Variants in PRMT2 observed in about 807,000 individuals in gnomAD.
The protein encoded by PRMT2 is protein arginine N-methyltransferase 2.
Under a neutral mutation model 57.6 loss-of-function variants are expected in PRMT2, and 26 were observed. The observed-to-expected ratio is 0.45, with a 90% CI of 0.33 to 0.63. The LOEUF is 0.63. Ranked by LOEUF, PRMT2 falls within the 20% of genes least tolerant of loss-of-function variation. The pLI, the probability that PRMT2 is intolerant of heterozygous loss-of-function variation, is 0.02. For synonymous variants in PRMT2, 219 were observed against 220.0 expected (o/e 1.00, Z 0.04); for missense variants, 472 against 564.4 (o/e 0.84, Z 1.66).
chr21:46,655,780 G>C (rs2061533314), intron 7 of PRMT2, among the ~76,000 whole-genome samples: 1 of 152,176 alleles, frequency 6.6e-6, no homozygotes, highest in Admixed American at 6.5e-5. Flanking sequence ...TGCTGAAAAT[G>C]ATGAGATGAT....
At chr21:46,652,527 A>G (rs986475483) in intron 7 of PRMT2, 2 of 985,300 alleles carry the variant, frequency 2.0e-6, no homozygotes, top group African/African-American at 3.5e-5. Flanking sequence ...AACAATTTGA[A>G]AGTAACTGTA....
chr21:46,636,680 G>C (rs965956400), intron 2 of PRMT2, 133 bp downstream of exon 2: 39 of 462,962 alleles, frequency 8.4e-5, no homozygotes, highest in African/African-American at 3.3e-4. Flanking sequence ...TTAACACCTT[G>C]CAGACTAGTG....
chr21:46,653,578 G>C (rs2061494590), intron 7 of PRMT2: 1 of 1,063,398 alleles, frequency 9.4e-7, no homozygotes, highest in Non-Finnish European at 1.1e-6. Flanking sequence ...TTCCCAGTGG[G>C]ACAGGCCTAA....
chr21:46,638,739 C>T (rs1022201215), intron 3 of PRMT2, among the ~76,000 whole-genome samples: 2 of 152,128 alleles, frequency 1.3e-5, no homozygotes, highest in Non-Finnish European at 2.9e-5. Flanking sequence ...GTTAATACCA[C>T]CCTCCATTAT....
intron 7 of PRMT2, chr21:46,652,904 G>T (rs992745894): frequency 7.7e-7 from 1 of 1,302,886 alleles, no homozygotes; most frequent in Non-Finnish European, 1.0e-6. Flanking sequence ...GAAGCAGGTT[G>T]CACACTCAGC....
At position 46,649,357 on chromosome 21, in the gene PRMT2, TC is replaced by T. The variant is rs2061414576; in HGVS notation, c.490-216del. On this transcript the variant is annotated intron_variant, in intron 6 of 11. Coordinates refer to ENST00000355680, the MANE Select transcript of PRMT2 (RefSeq NM_206962.4). The surrounding 1 kb of genome is among the most constrained non-coding windows in gnomAD (Gnocchi z 4.8). ...CTTGCAGCCCTGCGTCTGTGTCTTG[TC>T]CGGGAGGTGGGGGCAGTTGGGAGGG... Among the ~76,000 whole-genome samples, 1 of 152,172 alleles carries T rather than the reference TC, an allele frequency of 6.6e-6. No homozygotes were observed. The highest frequency in any genetic ancestry group is 1.5e-5 in the Non-Finnish European group (1 of 68,026).
Position 46,658,759 on chromosome 21 carries a change from C to T in PRMT2, c.669C>T (p.Ile223=), listed in dbSNP as rs188988567. The T allele has an allele frequency of 1.3e-4, 206 of 1,614,066 alleles. No homozygotes were observed. In the East Asian group the frequency reaches 4.0e-3, roughly 32 times the overall value. ...MGTCLLFEFM[I]ESILYARDAW... is the part of the protein sequence containing the mutation. ...CTCCTATGCAGTTTGAGTTCATGAT[C>T]GAGTCCATCCTGTATGCCCGGGATG... The change falls in exon 8 of 12, where the codon ATC becomes ATT. Residue 223 remains isoleucine (I), a synonymous_variant. Transcript: ENST00000355680.
chr21:46,652,255 G>A (rs1382411771), intron 7 of PRMT2: 1 of 1,344,770 alleles, frequency 7.4e-7, no homozygotes, highest in African/African-American at 1.5e-5. Flanking sequence ...TTGTTAGGAT[G>A]GGAAAGGTTT....
intron 3 of PRMT2, among the ~76,000 whole-genome samples, chr21:46,637,263 C>T (rs2061190086): frequency 6.6e-6 from 1 of 152,146 alleles, no homozygotes; most frequent in Admixed American, 6.5e-5. Context: ...CGTGAACTGG[C>T]AAAGCAAGCA....
rs117123221 is a variant in PRMT2 at position 46,651,389 on chromosome 21, A to G, written c.654+1650A>G. 3.1e-3 allele frequency among the ~76,000 whole-genome samples: 468 copies of G among 149,566 alleles called. 4 individuals carry two copies. The highest frequency in any genetic ancestry group is 0.014 in the East Asian group (70 of 4,992). ...GGACATCTGTGTGGGTCTTGAACAT[A>G]GGATGCCCATCCGATGTGCAGGGCC... On this transcript the variant is annotated intron_variant, in intron 7 of 11. Coordinates refer to ENST00000355680, the MANE Select transcript of PRMT2 (RefSeq NM_206962.4).
Position 46,648,574 on chromosome 21 carries a change from T to C in PRMT2, c.444T>C (p.Thr148=), listed in dbSNP as rs779822598. Residue 148 remains threonine (T), a synonymous_variant, in exon 6 of 12, where the codon ACT becomes ACC. Coordinates refer to ENST00000355680, the MANE Select transcript of PRMT2 (RefSeq NM_206962.4). The surrounding 1 kb of genome is among the most constrained non-coding windows in gnomAD (Gnocchi z 4.8). ...TCATCCTGGACGTGGGCTGTGGGAC[T>C]GGGATCATCAGTCTCTTCTGTGCAC... is the stretch of plus-strand genomic sequence containing the variant. ...DKVILDVGCG[T]GIISLFCAHY... 7.4e-6 allele frequency: 12 copies of C among 1,614,230 alleles called. No homozygotes were observed. The Middle Eastern group carries it at 8.2e-4, about 111-fold the overall frequency.
chr21:46,642,279 G>A (rs2061289759), intron 3 of PRMT2, among the ~76,000 whole-genome samples: 1 of 152,188 alleles, frequency 6.6e-6, no homozygotes, highest in South Asian at 2.1e-4. Flanking sequence ...AGTAAAAACT[G>A]AAAAGTCTAA....
At chr21:46,650,003 G>C in intron 7 of PRMT2, 2 of 1,410,274 alleles carry the variant, frequency 1.4e-6, no homozygotes, top group East Asian at 5.0e-5. Context: ...TGTTCTCCTC[G>C]GGGATCTGTA....
Position 46,658,699 on chromosome 21 carries a change from G to C in PRMT2, c.655-46G>C. ...GTGGTGGTGAGAGGCCTGTGCAGCC[G>C]CGGGGCCTGTGATGTGTCTCCTGTG... On this transcript the variant is annotated intron_variant, in intron 7 of 11. Transcript: ENST00000355680. 2.5e-6 allele frequency: 4 copies of C among 1,598,016 alleles called. No individual in the cohort carries two copies. In the South Asian group the frequency reaches 3.4e-5, roughly 14 times the overall value.
At chr21:46,664,268 T>A in intron 11 of PRMT2, 27 bp from the exon 12 acceptor site, 1 of 1,533,962 alleles carries the variant, frequency 6.5e-7, no homozygotes, top group Non-Finnish European at 9.0e-7. Context: ...ATCATCTGAT[T>A]GACCTGTTGT....
chr21:46,660,407 T>C (rs2061602001), intron 8 of PRMT2, among the ~76,000 whole-genome samples: 1 of 152,220 alleles, frequency 6.6e-6, no homozygotes, highest in African/African-American at 2.4e-5. Context: ...AATACCGCGT[T>C]CATTTACTGT....
chr21:46,657,667 A>G (rs2061560949), intron 7 of PRMT2: 1 of 152,234 alleles, frequency 6.6e-6, no homozygotes, highest in South Asian at 2.1e-4. Flanking sequence ...CGGGGAGGGC[A>G]TGACCACCAG....
intron 5 of PRMT2, among the ~76,000 whole-genome samples, chr21:46,647,500 G>GT (rs2061382351): frequency 6.6e-6 from 1 of 151,842 alleles, no homozygotes; most frequent in Non-Finnish European, 1.5e-5. Flanking sequence ...TTTTATTTTT[G>GT]TTTTTTATGT....
chr21:46,661,727 A>C (rs1445948210), intron 9 of PRMT2, 73 bp from the exon 10 acceptor site: 17 of 1,249,848 alleles, frequency 1.4e-5, no homozygotes, highest in Non-Finnish European at 1.4e-5. Context: ...GGGCGCGTGG[A>C]GGGGGCCGCC....
Sources: gnomAD v4.1 joint callset for allele counts (sites outside exome capture counted in the v4.1 genomes callset) on GRCh38, gnomAD v4.1.1 for gene constraint, Gnocchi (gnomAD v3.1) non-coding constraint, MANE v1.5 for transcripts, NCBI Gene and HGNC (gene_info 2026-07-23, HGNC 2026-07-21) for gene names.